The following NPSR1 variants were observed in gnomAD, a reference collection of about 807,000 sequenced individuals.
NPSR1 encodes neuropeptide S receptor 1.
A neutral mutation model predicts 46.9 loss-of-function variants in NPSR1; 48 were observed. The observed-to-expected ratio is 1.02, with a 90% CI of 0.81 to 1.30. The LOEUF (loss-of-function observed/expected upper bound fraction) is 1.30. Ranked by LOEUF, NPSR1 falls within the 50% of genes most tolerant of loss-of-function variation. The pLI is 0.00. For missense variants in NPSR1, 450 were observed against 449.5 expected, an observed-to-expected ratio of 1.00 and a Z score of -0.01; for synonymous variants, 176 against 168.1, an observed-to-expected ratio of 1.05 and a Z score of -0.36.
chr7:34,789,232 G>A (rs995319334), intron 3 of NPSR1, among the ~76,000 whole-genome samples: 1 of 151,710 alleles, frequency 6.6e-6, no homozygotes, highest in Non-Finnish European at 1.5e-5. Context: ...TACAACTTAA[G>A]TAACTAGAAG....
intron 2 of NPSR1, among the ~76,000 whole-genome samples, chr7:34,700,596 A>G (rs762699627): frequency 4.6e-5 from 7 of 152,230 alleles, no homozygotes; most frequent in Non-Finnish European, 1.0e-4. Flanking sequence ...AAGAATGGCT[A>G]TTCCCCTATA....
At chr7:34,681,361 T>A (rs959112673) in intron 1 of NPSR1, among the ~76,000 whole-genome samples, 6 of 152,200 alleles carry the variant, frequency 3.9e-5, no homozygotes, top group African/African-American at 1.4e-4. Context: ...TTTGCCCCTT[T>A]GACAGTTTTA....
intron 1 of NPSR1, among the ~76,000 whole-genome samples, chr7:34,669,759 G>A (rs924043909): frequency 2.0e-5 from 3 of 152,168 alleles, no homozygotes; most frequent in East Asian, 1.9e-4. Context: ...AGCTCTTTGA[G>A]CAGATGAGGC....
intron 2 of NPSR1, among the ~76,000 whole-genome samples, chr7:34,762,677 A>G (rs1473706275): frequency 6.6e-6 from 1 of 152,236 alleles, no homozygotes; most frequent in Non-Finnish European, 1.5e-5. Context: ...GTTGAGCTGG[A>G]AGCATTGCAT....
intron 2 of NPSR1, chr7:34,710,995 C>A: frequency 5.6e-6 from 2 of 354,446 alleles, no homozygotes; most frequent in Non-Finnish European, 1.1e-5. Context: ...AAGCTGACCA[C>A]TTCTATGTAC....
At chr7:34,803,742 A>G (rs1321909324) in intron 3 of NPSR1, among the ~76,000 whole-genome samples, 1 of 143,324 alleles carries the variant, frequency 7.0e-6, no homozygotes, top group Non-Finnish European at 1.5e-5. Flanking sequence ...ATTTAAAAAA[A>G]GATAGCATGA....
intron 2 of NPSR1, among the ~76,000 whole-genome samples, chr7:34,752,778 T>G (rs1785605971): frequency 6.6e-6 from 1 of 152,212 alleles, no homozygotes. Flanking sequence ...TTCATGCCTT[T>G]GCACACACTG....
intron 2 of NPSR1, among the ~76,000 whole-genome samples, chr7:34,773,563 G>A (rs1165458893): frequency 6.6e-6 from 1 of 152,156 alleles, no homozygotes; most frequent in African/African-American, 2.4e-5. Context: ...GCAGGACAGA[G>A]GGGAACCAAT....
At chr7:34,695,785 T>A (rs748503162) in intron 2 of NPSR1, among the ~76,000 whole-genome samples, 1 of 151,996 alleles carries the variant, frequency 6.6e-6, no homozygotes, top group Non-Finnish European at 1.5e-5. Context: ...ATGGCTATTA[T>A]TAAAAAATCA....
At chr7:34,730,266 A>T (rs1199412703) in intron 2 of NPSR1, among the ~76,000 whole-genome samples, 1 of 152,192 alleles carries the variant, frequency 6.6e-6, no homozygotes, top group African/African-American at 2.4e-5. Flanking sequence ...AAATGAATAG[A>T]GAAAAAAGGG....
intron 1 of NPSR1, among the ~76,000 whole-genome samples, chr7:34,664,657 T>A (rs994706889): frequency 6.6e-6 from 1 of 151,854 alleles, no homozygotes; most frequent in Non-Finnish European, 1.5e-5. Flanking sequence ...GAATAAGATA[T>A]AGATATAGAG....
At chr7:34,759,665 G>C (rs979427891) in intron 2 of NPSR1, among the ~76,000 whole-genome samples, 1 of 152,114 alleles carries the variant, frequency 6.6e-6, no homozygotes, top group Non-Finnish European at 1.5e-5. Flanking sequence ...ATCATGGCGG[G>C]TATAAACTGA....
intron 8 of NPSR1, among the ~76,000 whole-genome samples, chr7:34,868,904 G>A (rs574491288): frequency 5.2e-4 from 79 of 151,770 alleles, no homozygotes; most frequent in African/African-American, 1.8e-3. Context: ...AGGGTGGCCC[G>A]GGGCAACAAA....
Position 34,684,664 on chromosome 7 carries a change from T to C in NPSR1, c.260T>C (p.Val87Ala), listed in dbSNP as rs768230329. 2 of 1,612,736 alleles carry C rather than the reference T, an allele frequency of 1.2e-6. No individual in the cohort carries two copies. The highest frequency in any genetic ancestry group is 1.7e-6 in the Non-Finnish European group (2 of 1,179,454). ...AAGAAGTCAAGAATGACCTTCTTTG[T>C]GACTCAGCTGGCCATCACAGGTAAG... ...RKKKSRMTFF[V>A]TQLAITDSFT... Residue 87 changes from valine (V) to alanine (A), a missense_variant, in exon 2 of 9, where the codon GTG (valine) becomes GCG (alanine). Val to Ala is a moderately conservative substitution (Grantham distance 64, BLOSUM62 0). Coordinates refer to ENST00000360581, the MANE Select transcript of NPSR1 (RefSeq NM_207172.2).
At chr7:34,710,125 C>T (rs572382760) in intron 2 of NPSR1, among the ~76,000 whole-genome samples, 6 of 152,322 alleles carry the variant, frequency 3.9e-5, no homozygotes, top group East Asian at 1.9e-4. Context: ...ATAGCTTCCA[C>T]GATTTTCAAT....
At chr7:34,845,601 T>A in intron 7 of NPSR1, 2 of 456,000 alleles carry the variant, frequency 4.4e-6, no homozygotes, top group Non-Finnish European at 8.8e-6. Context: ...TAAGTCTTTT[T>A]AAATATCCTT....
intron 2 of NPSR1, among the ~76,000 whole-genome samples, chr7:34,702,692 C>G (rs1219235600): frequency 6.6e-6 from 1 of 152,174 alleles, no homozygotes; most frequent in Non-Finnish European, 1.5e-5. Flanking sequence ...GCTTTTCTCC[C>G]ATTTTTAGGC....
chr7:34,762,910 C>CTTT (rs1786245937), intron 2 of NPSR1, among the ~76,000 whole-genome samples: 3 of 152,160 alleles, frequency 2.0e-5, no homozygotes, highest in Non-Finnish European at 2.9e-5. Flanking sequence ...GCTACGTATT[C>CTTT]ATTATTCTAT....
At chr7:34,701,643 T>C (rs1793837222) in intron 2 of NPSR1, among the ~76,000 whole-genome samples, 1 of 152,246 alleles carries the variant, frequency 6.6e-6, no homozygotes, top group African/African-American at 2.4e-5. Context: ...ACAGGGAAAT[T>C]CTTTCCTCCC....
Sources: allele counts gnomAD v4.1 joint callset (sites outside exome capture counted in the v4.1 genomes callset), GRCh38; gene constraint gnomAD v4.1.1; transcripts MANE v1.5; gene names NCBI Gene and HGNC (gene_info 2026-07-23, HGNC 2026-07-21).